The following NAALADL2 variants were observed in gnomAD, a reference collection of about 807,000 sequenced individuals.
The protein encoded by NAALADL2 is inactive N-acetylated-alpha-linked acidic dipeptidase-like protein 2.
Under a neutral mutation model 87.2 loss-of-function variants are expected in NAALADL2, and 76 were observed. The ratio of observed to expected loss-of-function variants is 0.87; its 90% confidence interval spans 0.72 to 1.05. The LOEUF (loss-of-function observed/expected upper bound fraction) is 1.05, where lower values mean the gene tolerates loss of function less well. Among genes scored for constraint, NAALADL2 ranks in the 50% least tolerant of loss-of-function variants. NAALADL2 has a pLI of 0.00. For missense variants in NAALADL2, 1,089 were observed against 945.8 expected (o/e 1.15, Z -1.99); for synonymous variants, 354 against 331.0 (o/e 1.07, Z -0.75).
chr3:174,869,982 G>A (rs925497105), intron 1 of NAALADL2, among the ~76,000 whole-genome samples: 4 of 123,586 alleles, frequency 3.2e-5, no homozygotes, highest in Non-Finnish European at 6.4e-5. Context: ...GGCAACAAGA[G>A]CGACAAAACT....
rs368369538 is a variant in NAALADL2, at chr3:175,765,487, A to G, written c.2189+10069A>G. Among the ~76,000 whole-genome samples the G allele has an allele frequency of 2.6e-5, 4 of 152,154 alleles. 1 individual carries two copies. The East Asian group carries it at 5.8e-4, about 22-fold the overall frequency. On this transcript the variant is annotated intron_variant, in intron 13 of 13. Transcript: ENST00000454872. Reference sequence around the variant, plus strand: ...CAACATTCAAATACAATTTGATTAGACATTTAAAAACTTGTTTTAAAAATT... The same window carrying G: ...CAACATTCAAATACAATTTGATTAGGCATTTAAAAACTTGTTTTAAAAATT...
At chr3:175,402,333 C>A (rs1048118640) in intron 5 of NAALADL2, among the ~76,000 whole-genome samples, 1 of 151,968 alleles carries the variant, frequency 6.6e-6, no homozygotes, top group Non-Finnish European at 1.5e-5. Context: ...GAGCTGATTA[C>A]CCCAGAGCAA....
intron 11 of NAALADL2, among the ~76,000 whole-genome samples, chr3:175,704,370 C>T (rs16826173): frequency 0.051 from 7,718 of 152,226 alleles, 238 homozygotes; most frequent in African/African-American, 0.084. Flanking sequence ...GTAACAGCTA[C>T]TTCAAAGCCA....
At chr3:175,349,432 A>G (rs1452111922) in intron 5 of NAALADL2, among the ~76,000 whole-genome samples, 1 of 151,984 alleles carries the variant, frequency 6.6e-6, no homozygotes, top group Non-Finnish European at 1.5e-5. Flanking sequence ...GCGGAGGGGG[A>G]AATGAGGCAT....
chr3:175,670,066 T>C (rs1190511654), intron 11 of NAALADL2, among the ~76,000 whole-genome samples: 1 of 152,016 alleles, frequency 6.6e-6, no homozygotes, highest in African/African-American at 2.4e-5. Context: ...ATCAATTTAT[T>C]TACTATTCAC....
intron 2 of NAALADL2, among the ~76,000 whole-genome samples, chr3:175,127,725 A>G (rs114150974): frequency 0.02 from 3,112 of 152,248 alleles, 51 homozygotes; most frequent in Admixed American, 0.03. Flanking sequence ...ATATAAAATA[A>G]ATATTATTAA....
intron 5 of NAALADL2, among the ~76,000 whole-genome samples, chr3:175,399,236 T>C (rs1249724099): frequency 6.6e-6 from 1 of 152,082 alleles, no homozygotes; most frequent in African/African-American, 2.4e-5. Context: ...TAGGAATGCC[T>C]TTGTTCTCAA....
intron 3 of NAALADL2, among the ~76,000 whole-genome samples, chr3:175,248,267 G>A (rs1316215433): frequency 1.3e-5 from 2 of 152,144 alleles, no homozygotes; most frequent in African/African-American, 2.4e-5. Context: ...AAAAAGGGGG[G>A]ATGATTCCAG....
chr3:174,963,309 C>CT (rs1183378470), intron 1 of NAALADL2, among the ~76,000 whole-genome samples: 1 of 151,852 alleles, frequency 6.6e-6, no homozygotes, highest in Non-Finnish European at 1.5e-5. Context: ...ACTATAAATA[C>CT]TTTAGTAACA....
intron 11 of NAALADL2, among the ~76,000 whole-genome samples, chr3:175,708,825 TA>T (rs565683274): frequency 0.26 from 35,289 of 134,392 alleles, 5,005 homozygotes; most frequent in African/African-American, 0.43. Flanking sequence ...ACCCAGAGAA[TA>T]AAAAAAAAAA....
intron 13 of NAALADL2, among the ~76,000 whole-genome samples, chr3:175,766,998 C>T (rs1048816618): frequency 1.3e-5 from 2 of 152,106 alleles, no homozygotes. Context: ...CTATAAAGCA[C>T]ACATTTAGTC....
At chr3:175,101,189 C>T (rs955086942) in intron 2 of NAALADL2, among the ~76,000 whole-genome samples, 3 of 152,176 alleles carry the variant, frequency 2.0e-5, no homozygotes, top group African/African-American at 7.2e-5. Context: ...GTGATTTAAT[C>T]CTTTTGCAAT....
intron 2 of NAALADL2, among the ~76,000 whole-genome samples, chr3:174,582,635 G>A (rs1416332752): frequency 1.3e-5 from 2 of 152,116 alleles, no homozygotes; most frequent in Admixed American, 6.5e-5. Flanking sequence ...AGGCTGGAAT[G>A]CAGTGGTGTG....
chr3:175,717,560 C>A lies in NAALADL2; in HGVS notation c.1897-19746C>A, dbSNP rs113994243. On this transcript the variant is annotated intron_variant, in intron 11 of 13. Transcript: ENST00000454872. ...CACAAGAATTAGCTAGACGTAGTGG[C>A]GCAGGCCTGTGGTCCCAGCTACTTG... 8.3e-3 allele frequency among the ~76,000 whole-genome samples: 1,262 copies of A among 151,600 alleles called. 23 individuals carry two copies. Among genetic ancestry groups the A allele is most frequent in the African/African-American group, 0.029 (1,207 of 41,312 alleles).
chr3:175,775,099 T>C (rs1750040171), intron 13 of NAALADL2: 2 of 151,626 alleles, frequency 1.3e-5, no homozygotes, highest in Non-Finnish European at 2.9e-5. Flanking sequence ...GGCCTTTTTT[T>C]TTTTTTTTTT....
intron 1 of NAALADL2, among the ~76,000 whole-genome samples, chr3:174,546,271 T>C (rs371081565): frequency 4.3e-4 from 65 of 152,262 alleles, no homozygotes; most frequent in African/African-American, 1.4e-3. Flanking sequence ...ATGTAAACTT[T>C]ACCTAATTCC....
rs71300440 is a variant in NAALADL2, at chr3:174,787,576, CATATATATATAT to C, written c.-9+49864_-9+49875del. ...TTAATAGAAGAAGGCAATATATCAT[CATATATATATAT>C]ATATATATATATATATATATATATA... On this transcript the variant is annotated intron_variant, in intron 3 of 3. Coordinates refer to the NAALADL2 transcript ENST00000434257. Among the ~76,000 whole-genome samples the C allele has an allele frequency of 2.9e-3, 43 of 14,734 alleles. 2 individuals are homozygous for C. Among genetic ancestry groups the C allele is most frequent in the African/African-American group, 4.5e-3 (25 of 5,556 alleles). The allele number at this position is 14,734 out of a possible 152,430, so 9.7% of individuals were successfully genotyped here.
At chr3:175,357,337 A>G (rs964472982) in intron 5 of NAALADL2, among the ~76,000 whole-genome samples, 1 of 152,188 alleles carries the variant, frequency 6.6e-6, no homozygotes, top group African/African-American at 2.4e-5. Context: ...AAAAAGTAAG[A>G]AATGTATTGG....
intron 3 of NAALADL2, among the ~76,000 whole-genome samples, chr3:174,749,005 T>C (rs1734557507): frequency 1.3e-5 from 2 of 152,148 alleles, no homozygotes; most frequent in South Asian, 4.1e-4. Context: ...ATTGGTGCCT[T>C]TGATGGAAAT....
Sources: allele counts gnomAD v4.1 joint callset (sites outside exome capture counted in the v4.1 genomes callset), GRCh38; gene constraint gnomAD v4.1.1; transcripts MANE v1.5; gene names NCBI Gene and HGNC (gene_info 2026-07-23, HGNC 2026-07-21).